The following CNTN4 variants were observed in gnomAD, a reference collection of about 807,000 sequenced individuals.
The protein encoded by CNTN4 is contactin 4.
In CNTN4, 77 loss-of-function variants were observed where a neutral mutation model predicts 122.5. The observed-to-expected ratio is 0.63, with a 90% confidence interval of 0.52 to 0.76. CNTN4 has a LOEUF of 0.76. Ranked by LOEUF, CNTN4 falls within the 30% of genes least tolerant of loss-of-function variation. CNTN4 has a pLI of 0.00. For missense variants in CNTN4, 1,256 were observed against 1,259.1 expected, an observed-to-expected ratio of 1.00 and a Z score of 0.04; for synonymous variants, 512 against 447.0, an observed-to-expected ratio of 1.15 and a Z score of -1.83.
intron 4 of CNTN4, among the ~76,000 whole-genome samples, chr3:2,704,068 G>A (rs1487785362): frequency 2.6e-5 from 4 of 151,802 alleles, no homozygotes; most frequent in East Asian, 1.9e-4. Flanking sequence ...TGAGGCAGGC[G>A]GGCGGATCAT....
rs1486455862 is a variant in CNTN4, at chr3:2,606,707, AG to A, written c.55+35152del. Among the ~76,000 whole-genome samples, 5 of 152,284 alleles carry A rather than the reference AG, an allele frequency of 3.3e-5. No individual in the cohort carries two copies. The South Asian group carries it at 1.0e-3, about 32-fold the overall frequency. On this transcript the variant is annotated intron_variant, in intron 4 of 24. Coordinates refer to ENST00000418658, the MANE Select transcript of CNTN4 (RefSeq NM_175607.3). ...CCCCTGCTTGTTCGTCAGCATTCTT[AG>A]GGAATGAAATGATCCACAGAAGACT... is the stretch of plus-strand genomic sequence containing the variant.
At chr3:2,371,912 A>G (rs1559495354) in intron 3 of CNTN4, among the ~76,000 whole-genome samples, 1 of 152,248 alleles carries the variant, frequency 6.6e-6, no homozygotes, top group East Asian at 1.9e-4. Context: ...TGTTTAAAAT[A>G]CAGCAGTTGG....
chr3:2,384,738 C>T (rs1161474311), intron 3 of CNTN4, among the ~76,000 whole-genome samples: 1 of 151,012 alleles, frequency 6.6e-6, no homozygotes, highest in Non-Finnish European at 1.5e-5. Context: ...CTGGCTCCTA[C>T]ACCAGTAACA....
intron 3 of CNTN4, among the ~76,000 whole-genome samples, chr3:2,524,300 C>T (rs778596323): frequency 7.9e-5 from 12 of 152,174 alleles, no homozygotes; most frequent in East Asian, 5.8e-4. Context: ...GCCATATTGT[C>T]GTGTGCATCA....
At chr3:2,732,665 C>T (rs1305857519) in intron 4 of CNTN4, among the ~76,000 whole-genome samples, 2 of 152,170 alleles carry the variant, frequency 1.3e-5, no homozygotes, top group Non-Finnish European at 2.9e-5. Flanking sequence ...CAGAACGCCT[C>T]TCTCAGGACT....
chr3:2,394,976 G>A (rs925642282), intron 3 of CNTN4, among the ~76,000 whole-genome samples: 2 of 151,800 alleles, frequency 1.3e-5, no homozygotes, highest in Non-Finnish European at 2.9e-5. Flanking sequence ...CGGTAGACAC[G>A]GGATTTTACC....
intron 4 of CNTN4, among the ~76,000 whole-genome samples, chr3:2,603,481 G>A (rs2081135059): frequency 6.6e-6 from 1 of 152,134 alleles, no homozygotes; most frequent in Non-Finnish European, 1.5e-5. Flanking sequence ...AATAATGCTG[G>A]CAGTCTGCTG....
At chr3:2,618,653 G>A (rs951534758) in intron 4 of CNTN4, among the ~76,000 whole-genome samples, 1 of 152,108 alleles carries the variant, frequency 6.6e-6, no homozygotes, top group Non-Finnish European at 1.5e-5. Context: ...AACACAGAAA[G>A]TCAGGCTCTG....
chr3:2,549,231 T>C (rs894078510), intron 3 of CNTN4, among the ~76,000 whole-genome samples: 1 of 152,184 alleles, frequency 6.6e-6, no homozygotes, highest in African/African-American at 2.4e-5. Context: ...GAACTTCCAA[T>C]ACCATGTTGA....
At chr3:2,338,967 G>A (rs2044073268) in intron 2 of CNTN4, among the ~76,000 whole-genome samples, 1 of 151,972 alleles carries the variant, frequency 6.6e-6, no homozygotes, top group Admixed American at 6.6e-5. Context: ...TCAGCTCATG[G>A]GAGGCAAGGC....
intron 3 of CNTN4, among the ~76,000 whole-genome samples, chr3:2,357,766 G>A (rs1352128229): frequency 6.6e-6 from 1 of 152,178 alleles, no homozygotes; most frequent in Non-Finnish European, 1.5e-5. Context: ...CCAATTATAT[G>A]ATCCTGCAAC....
intron 13 of CNTN4, among the ~76,000 whole-genome samples, chr3:2,963,717 A>G (rs998818591): frequency 3.3e-5 from 5 of 152,008 alleles, no homozygotes; most frequent in Non-Finnish European, 7.4e-5. Context: ...GACTGTCCAT[A>G]TTTTCTTCTT....
chr3:2,859,519 C>T, intron 7 of CNTN4, among the ~76,000 whole-genome samples: 1 of 146,266 alleles, frequency 6.8e-6, no homozygotes, highest in Admixed American at 7.0e-5. Context: ...AACATGCTAA[C>T]AAAAAGGATG....
At chr3:2,801,922 A>G (rs1255179643) in intron 6 of CNTN4, among the ~76,000 whole-genome samples, 1 of 152,196 alleles carries the variant, frequency 6.6e-6, no homozygotes, top group Non-Finnish European at 1.5e-5. Flanking sequence ...TGTTTTCTTA[A>G]TCAAATGAGT....
intron 13 of CNTN4, among the ~76,000 whole-genome samples, chr3:2,967,324 A>T (rs1692421726): frequency 6.6e-6 from 1 of 152,132 alleles, no homozygotes; most frequent in Admixed American, 6.5e-5. Flanking sequence ...TATCTCAAGC[A>T]CTGGTCTTAG....
chr3:2,143,031 G>A (rs1052084141), intron 2 of CNTN4, among the ~76,000 whole-genome samples: 1 of 152,156 alleles, frequency 6.6e-6, no homozygotes, highest in Non-Finnish European at 1.5e-5. Context: ...CATGCTTTGA[G>A]CCTTCATTAC....
At chr3:2,566,072 G>A (rs1038777458) in intron 3 of CNTN4, among the ~76,000 whole-genome samples, 4 of 152,318 alleles carry the variant, frequency 2.6e-5, no homozygotes, top group Middle Eastern at 3.4e-3. Context: ...TCTGAAACCT[G>A]TGCTATCCTT....
At chr3:2,766,908 A>G (rs896926793) in intron 6 of CNTN4, among the ~76,000 whole-genome samples, 4 of 152,274 alleles carry the variant, frequency 2.6e-5, no homozygotes, top group South Asian at 2.1e-4. Context: ...GACAAAGTCC[A>G]TGTTGGTTTG....
At position 2,961,123 on chromosome 3, in the gene CNTN4, G is replaced by T. The variant is rs111587235; in HGVS notation, c.1359-27222G>T. Among the ~76,000 whole-genome samples, 254 of 116,578 alleles carry T rather than the reference G, an allele frequency of 2.2e-3. 13 individuals carry two copies. Among genetic ancestry groups the T allele is most frequent in the Middle Eastern group, 0.013 (3 of 240 alleles). 76.5% of individuals were successfully genotyped at this position (116,578 alleles called of 152,430 possible). ...TGGGCGCCTGTAGTCCCAGCTACTC[G>T]GGAGGCTGAGGCAGGAGAATGGCGT... On this transcript the variant is annotated intron_variant, in intron 13 of 24. Coordinates refer to ENST00000418658, the MANE Select transcript of CNTN4 (RefSeq NM_175607.3).
Sources: gnomAD v4.1 joint callset for allele counts (sites outside exome capture counted in the v4.1 genomes callset) on GRCh38, gnomAD v4.1.1 for gene constraint, MANE v1.5 for transcripts, NCBI Gene and HGNC (gene_info 2026-07-23, HGNC 2026-07-21) for gene names.